The following RPF2 variants were observed in gnomAD, a reference collection of about 807,000 sequenced individuals.
RPF2 encodes the protein ribosome production factor 2 homolog, also known as brix domain containing 1.
In RPF2, 21 loss-of-function variants were observed where a neutral mutation model predicts 38.9. The ratio of observed to expected loss-of-function variants is 0.54; its 90% CI spans 0.38 to 0.78. The LOEUF is 0.78. RPF2 is among the 30% of genes least tolerant of loss of function. RPF2 has a pLI of 0.00. For synonymous variants in RPF2, 121 were observed against 126.2 expected (o/e 0.96, Z 0.28); for missense variants, 314 against 358.1 (o/e 0.88, Z 0.99).
intron 4 of RPF2, among the ~76,000 whole-genome samples, chr6:110,994,453 G>T (rs1185443792): frequency 1.3e-5 from 2 of 151,826 alleles, no homozygotes; most frequent in Admixed American, 6.6e-5. Flanking sequence ...GGAAATGGTG[G>T]TGGGAGCCCA....
chr6:110,988,527 C>T (rs973330671), intron 2 of RPF2, among the ~76,000 whole-genome samples: 1 of 151,846 alleles, frequency 6.6e-6, no homozygotes, highest in Non-Finnish European at 1.5e-5. Context: ...CCTCGAATTC[C>T]TGAGCTCGGG....
chr6:111,016,314 C>T (rs1226574766), intron 8 of RPF2, among the ~76,000 whole-genome samples: 3 of 152,138 alleles, frequency 2.0e-5, no homozygotes, highest in East Asian at 1.9e-4. Flanking sequence ...TTAAGCAGGC[C>T]GAGCATGGTG....
chr6:110,992,231 C>A (rs571596257), intron 4 of RPF2, among the ~76,000 whole-genome samples: 50 of 152,088 alleles, frequency 3.3e-4, no homozygotes, highest in African/African-American at 1.1e-3. Context: ...AGTCACTTGA[C>A]CCCGGGAGGC....
intron 1 of RPF2, among the ~76,000 whole-genome samples, chr6:110,982,873 G>A (rs534185631): frequency 2.0e-5 from 3 of 152,272 alleles, no homozygotes; most frequent in Admixed American, 6.5e-5. Flanking sequence ...ACTAGGTATT[G>A]GGACTAGTTC....
At chr6:111,009,019 C>T (rs1771967117) in intron 7 of RPF2, among the ~76,000 whole-genome samples, 1 of 151,696 alleles carries the variant, frequency 6.6e-6, no homozygotes, top group Admixed American at 6.6e-5. Flanking sequence ...CCTGCCTAAG[C>T]CTCCCGAGTA....
At chr6:111,021,024 C>T (rs1343050079) in intron 8 of RPF2, among the ~76,000 whole-genome samples, 1 of 152,042 alleles carries the variant, frequency 6.6e-6, no homozygotes, top group Admixed American at 6.6e-5. Context: ...AAAAAATTAG[C>T]TGGACATGGT....
At position 111,027,029 on chromosome 6, in the gene RPF2, C is replaced by G. The variant is rs1397660599; in HGVS notation, c.*1447C>G. 1 of 152,234 alleles carries G rather than the reference C, an allele frequency of 6.6e-6. No homozygotes were observed. The highest frequency in any genetic ancestry group is 1.5e-5 in the Non-Finnish European group (1 of 68,114). The allele number at this position is 152,234 out of a possible 1,614,324, so 9.4% of individuals were successfully genotyped here. ...AGTAGCTGGGATTACAGGCACCCAC[C>G]ACCACGCCTGGCTGATTTTTTGTAG... is the stretch of plus-strand genomic sequence containing the variant. On this transcript the variant is annotated 3_prime_UTR_variant, in exon 10 of 10. Transcript: ENST00000441448.
intron 6 of RPF2, among the ~76,000 whole-genome samples, chr6:111,005,843 T>C (rs2114325189): frequency 6.6e-6 from 1 of 151,702 alleles, no homozygotes; most frequent in African/African-American, 2.4e-5. Context: ...TGAGACGGAG[T>C]CTCTGTCGCC....
At chr6:110,999,133 C>T (rs1460890322) in intron 5 of RPF2, among the ~76,000 whole-genome samples, 2 of 152,002 alleles carry the variant, frequency 1.3e-5, no homozygotes, top group Non-Finnish European at 2.9e-5. Flanking sequence ...AAATGGGAAG[C>T]GTGGTCTCTT....
At chr6:110,997,888 T>C (rs1583263740) in intron 5 of RPF2, among the ~76,000 whole-genome samples, 1 of 150,680 alleles carries the variant, frequency 6.6e-6, no homozygotes, top group East Asian at 2.0e-4. Context: ...TCCCTTGATT[T>C]TTCTTTTCTT....
rs368819401 is a variant in RPF2 at position 111,026,243 on chromosome 6, T to C, written c.*661T>C. ...GTTTTTAAGAGATGGGGTCTTGTTC[T>C]GTCACCTAGGGTGGAGTGCAGTGGC... On this transcript the variant is annotated 3_prime_UTR_variant, in exon 10 of 10. Transcript: ENST00000441448. 1.3e-5 allele frequency: 2 copies of C among 152,468 alleles called. No individual in the cohort carries two copies. Among genetic ancestry groups the C allele is most frequent in the Non-Finnish European group, 2.9e-5 (2 of 68,242 alleles). The allele number at this position is 152,468 out of a possible 1,614,324, so 9.4% of individuals were successfully genotyped here. A position where few individuals can be genotyped will look rare whatever the true frequency, so the allele number is the denominator to read the frequency against.
chr6:110,991,745 A>T lies in RPF2; in HGVS notation c.195-2A>T. 8.6e-7 allele frequency: 1 copy of T among 1,160,530 alleles called. No homozygotes were observed. 71.9% of individuals were successfully genotyped at this position (1,160,530 alleles called of 1,614,324 possible). ...AAATTGTCACTTTTTTGATATTCTT[A>T]GGAAAAATATTACAAGACCTTTTGA... On this transcript the variant is annotated splice_acceptor_variant, in intron 3 of 9. Coordinates refer to ENST00000441448, the MANE Select transcript of RPF2 (RefSeq NM_032194.3). LOFTEE classifies it high-confidence loss of function.
chr6:110,982,910 A>T lies in RPF2; in HGVS notation c.23+781A>T, dbSNP rs188972204. ...CACGTTAATTGGGAGCAGGCAGCTA[A>T]TAAAACATGTTAATTGCTATTTGCA... On this transcript the variant is annotated intron_variant, in intron 1 of 9. Transcript: ENST00000441448. Among the ~76,000 whole-genome samples, 18 of 152,354 alleles carry T rather than the reference A, an allele frequency of 1.2e-4. No individual in the cohort carries two copies. In the East Asian group the frequency reaches 3.5e-3, roughly 29 times the overall value.
In RPF2 at chr6:111,027,467, T is replaced by C. The variant is rs913277709; in HGVS notation, c.*1885T>C. On this transcript the variant is annotated 3_prime_UTR_variant, in exon 10 of 10. Coordinates refer to ENST00000441448, the MANE Select transcript of RPF2 (RefSeq NM_032194.3). ...GCCATGAAAAGAACATCAGGAGTGA[T>C]GGACGCATAGTCCTTCCCCAAAGCC... 6.6e-6 allele frequency: 1 copy of C among 152,144 alleles called. No homozygotes were observed. The highest frequency in any genetic ancestry group is 1.5e-5 in the Non-Finnish European group (1 of 68,040). The allele number at this position is 152,144 out of a possible 1,614,324, so 9.4% of individuals were successfully genotyped here.
At chr6:111,002,893 C>T (rs1349493285) in intron 6 of RPF2, among the ~76,000 whole-genome samples, 6 of 151,982 alleles carry the variant, frequency 3.9e-5, no homozygotes, top group South Asian at 4.2e-4. Context: ...CTCAGCCTCC[C>T]GAGTAGCCGG....
At chr6:110,997,395 A>T in intron 5 of RPF2, 131 bp downstream of exon 5, 1 of 615,634 alleles carries the variant, frequency 1.6e-6, no homozygotes, top group South Asian at 1.8e-5. Context: ...AGGCATAGGC[A>T]GAGTAAGAGA....
At chr6:110,995,392 T>G (rs1771693951) in intron 4 of RPF2, among the ~76,000 whole-genome samples, 1 of 152,176 alleles carries the variant, frequency 6.6e-6, no homozygotes, top group African/African-American at 2.4e-5. Flanking sequence ...CCTGAATTCT[T>G]GGACTTTCTG....
chr6:110,998,385 C>A (rs533262899), intron 5 of RPF2, among the ~76,000 whole-genome samples: 1 of 152,004 alleles, frequency 6.6e-6, no homozygotes, highest in South Asian at 2.1e-4. Flanking sequence ...TGCTTGAGCC[C>A]ACCCACCCAA....
chr6:111,017,361 C>T lies in RPF2; in HGVS notation c.596+1505C>T, dbSNP rs879708361. Among the ~76,000 whole-genome samples the T allele has an allele frequency of 3.9e-4, 54 of 140,098 alleles. 1 individual carries two copies. The highest frequency in any genetic ancestry group is 1.1e-3 in the African/African-American group (41 of 38,538). The allele number at this position is 140,098 out of a possible 152,430, so 91.9% of individuals were successfully genotyped here. On this transcript the variant is annotated intron_variant, in intron 8 of 9. Transcript: ENST00000441448. ...GGCTGGCCGGGCGGGGGCTGCCCCC[C>T]GCCTCCCTCCTGGACGGGGCGGCTG...
Sources: allele counts gnomAD v4.1 joint callset (sites outside exome capture counted in the v4.1 genomes callset), GRCh38; gene constraint gnomAD v4.1.1; transcripts MANE v1.5; gene names NCBI Gene and HGNC (gene_info 2026-07-23, HGNC 2026-07-21).